BLM: variants seen among roughly 807,000 people sequenced by gnomAD.
BLM encodes BLM RecQ like helicase, also known as recQ-like DNA helicase BLM.
BLM carries 95 observed loss-of-function variants against 135.3 expected under a neutral mutation model. The ratio of observed to expected loss-of-function variants is 0.70; its 90% CI spans 0.59 to 0.83. BLM has a LOEUF of 0.83. Among genes scored for constraint, BLM ranks in the 40% least tolerant of loss-of-function variants. The pLI is 0.00. For synonymous variants in BLM, 520 were observed against 589.2 expected, an observed-to-expected ratio of 0.88 and a Z score of 1.70; for missense variants, 1,518 against 1,663.9, an observed-to-expected ratio of 0.91 and a Z score of 1.53.
chr15:90,798,150 A>G, intron 16 of BLM, 40 bp from the exon 17 acceptor site: 1 of 1,542,408 alleles, frequency 6.5e-7, no homozygotes, highest in Non-Finnish European at 8.9e-7. Flanking sequence ...AGGCATTGTT[A>G]CCTTAATTAT....
intron 16 of BLM, among the ~76,000 whole-genome samples, chr15:90,795,633 C>T (rs1897012067): frequency 6.6e-6 from 1 of 152,114 alleles, no homozygotes; most frequent in African/African-American, 2.4e-5. Context: ...TCAGTTCCCT[C>T]ATTCAACAGA....
At chr15:90,814,528 A>C (rs1207631260) in intron 21 of BLM, among the ~76,000 whole-genome samples, 3 of 152,096 alleles carry the variant, frequency 2.0e-5, no homozygotes, top group African/African-American at 7.2e-5. Context: ...GAGCTGCTGG[A>C]CACGGTCCTA....
chr15:90,720,000 TG>T (rs1359385155), intron 1 of BLM, among the ~76,000 whole-genome samples: 10 of 152,348 alleles, frequency 6.6e-5, no homozygotes, highest in African/African-American at 2.4e-4. Context: ...ACCTCAGTCC[TG>T]TCTGTAAAGT....
At chr15:90,781,315 CT>C (rs1331591848) in intron 12 of BLM, among the ~76,000 whole-genome samples, 2 of 152,088 alleles carry the variant, frequency 1.3e-5, no homozygotes, top group East Asian at 3.9e-4. Flanking sequence ...GAACGATTGT[CT>C]TGGACCACAC....
At chr15:90,789,562 G>C (rs950898056) in intron 14 of BLM, among the ~76,000 whole-genome samples, 1 of 152,108 alleles carries the variant, frequency 6.6e-6, no homozygotes, top group Non-Finnish European at 1.5e-5. Context: ...CCTTTGATCA[G>C]AGTGCCATAA....
At chr15:90,739,768 ATTTG>A (rs1365590851) in intron 1 of BLM, among the ~76,000 whole-genome samples, 3 of 151,872 alleles carry the variant, frequency 2.0e-5, no homozygotes, top group Non-Finnish European at 4.4e-5. Flanking sequence ...TTAAATTATT[ATTTG>A]TTTATTTTTT....
chr15:90,794,974 C>A (rs547665275), intron 16 of BLM, among the ~76,000 whole-genome samples: 7 of 152,088 alleles, frequency 4.6e-5, no homozygotes, highest in African/African-American at 1.2e-4. Context: ...TAAATTCAGT[C>A]ATTAGGTACT....
chr15:90,754,761 A>C, intron 4 of BLM, 50 bp from the exon 5 acceptor site: 1 of 1,585,084 alleles, frequency 6.3e-7, no homozygotes, highest in Non-Finnish European at 8.6e-7. Context: ...TTATACATTT[A>C]TTGAGTCTAG....
chr15:90,777,264 G>C (rs1003773922), intron 12 of BLM, among the ~76,000 whole-genome samples: 1 of 152,078 alleles, frequency 6.6e-6, no homozygotes, highest in African/African-American at 2.4e-5. Context: ...TGATTCTCCT[G>C]CCTCAGCCTC....
intron 12 of BLM, among the ~76,000 whole-genome samples, chr15:90,770,940 T>C (rs1326858116): frequency 1.3e-5 from 2 of 152,214 alleles, no homozygotes; most frequent in African/African-American, 4.8e-5. Flanking sequence ...TTCAAGCATT[T>C]TGGGTTTCTT....
intron 4 of BLM, among the ~76,000 whole-genome samples, chr15:90,753,380 T>G (rs1895738274): frequency 6.6e-6 from 1 of 152,254 alleles, no homozygotes; most frequent in African/African-American, 2.4e-5. Context: ...ATTATAATTT[T>G]ATATTCTACT....
At chr15:90,735,493 T>C (rs1895190755) in intron 1 of BLM, among the ~76,000 whole-genome samples, 1 of 151,886 alleles carries the variant, frequency 6.6e-6, no homozygotes, top group Non-Finnish European at 1.5e-5. Flanking sequence ...TATAGACCAA[T>C]GGTATAGAAT....
chr15:90,800,093 C>T (rs538119155), intron 17 of BLM, among the ~76,000 whole-genome samples: 3 of 152,274 alleles, frequency 2.0e-5, no homozygotes, highest in Admixed American at 1.3e-4. Flanking sequence ...TTTTGGGAGG[C>T]CCTGCTTTTT....
chr15:90,757,047 T>G (rs1358272323), intron 5 of BLM, among the ~76,000 whole-genome samples: 1 of 152,206 alleles, frequency 6.6e-6, no homozygotes, highest in African/African-American at 2.4e-5. Flanking sequence ...CTAGTAATCC[T>G]TTTAAAAAAG....
At chr15:90,755,326 C>T (rs1015900271) in intron 5 of BLM, 6 of 219,512 alleles carry the variant, frequency 2.7e-5, no homozygotes, top group African/African-American at 1.2e-4. Context: ...TTCCCTCCCC[C>T]TCCTTGACTA....
At chr15:90,814,666 C>T (rs911399478) in intron 21 of BLM, among the ~76,000 whole-genome samples, 3 of 152,240 alleles carry the variant, frequency 2.0e-5, no homozygotes, top group Admixed American at 1.3e-4. Context: ...TTGCTCTGGA[C>T]TGTGCAAGTC....
At chr15:90,748,751 G>A (rs1004994680) in intron 2 of BLM, among the ~76,000 whole-genome samples, 2 of 149,932 alleles carry the variant, frequency 1.3e-5, no homozygotes, top group African/African-American at 2.4e-5. Flanking sequence ...AATCTCTTCC[G>A]TTTTTCTTTT....
At chr15:90,797,139 T>A (rs1232612599) in intron 16 of BLM, among the ~76,000 whole-genome samples, 2 of 151,940 alleles carry the variant, frequency 1.3e-5, no homozygotes, top group Non-Finnish European at 2.9e-5. Flanking sequence ...GATGGCCAGG[T>A]GCAGTGGCTC....
In BLM at chr15:90,803,666, C is replaced by A. The variant is rs758199564; in HGVS notation, c.3504C>A (p.Ile1168=). 2 of 1,614,042 alleles carry A rather than the reference C, an allele frequency of 1.2e-6. No homozygotes were observed. Among genetic ancestry groups the A allele is most frequent in the Non-Finnish European group, 1.7e-6 (2 of 1,180,010 alleles). The change falls in exon 18 of 22, where the codon ATC becomes ATA. Residue 1168 remains isoleucine, a synonymous_variant. Transcript: ENST00000355112. ...ATATCAATGCCAATGACCAGGCGAT[C>A]GCTTATGTGATGCTCGGAAATAAAG... ...DLYINANDQA[I]AYVMLGNKAQ... is the part of the protein sequence containing the mutation.
Sources: allele counts gnomAD v4.1 joint callset (sites outside exome capture counted in the v4.1 genomes callset), GRCh38; gene constraint gnomAD v4.1.1; transcripts MANE v1.5; gene names NCBI Gene and HGNC (gene_info 2026-07-23, HGNC 2026-07-21).